Variants in NRG2 observed in about 807,000 individuals in gnomAD.
The protein encoded by NRG2 is neuregulin 2.
A neutral mutation model predicts 73.9 loss-of-function variants in NRG2; 27 were observed. That is an observed-to-expected ratio of 0.37 (90% confidence interval 0.27 to 0.50). NRG2 has a LOEUF of 0.50. Among genes scored for constraint, NRG2 ranks in the 20% least tolerant of loss-of-function variants. The pLI, the probability that NRG2 is intolerant of heterozygous loss-of-function variation, is 0.96. For synonymous variants in NRG2, 532 were observed against 541.0 expected, an observed-to-expected ratio of 0.98 and a Z score of 0.23; for missense variants, 1,126 against 1,210.1, an observed-to-expected ratio of 0.93 and a Z score of 1.03.
intron 1 of NRG2, among the ~76,000 whole-genome samples, chr5:139,913,130 G>A (rs1376420010): frequency 6.6e-6 from 1 of 152,246 alleles, no homozygotes; most frequent in Admixed American, 6.5e-5. Context: ...GGAGCTCTGA[G>A]CACCTGCGCC....
chr5:139,904,214 C>T lies in NRG2; in HGVS notation c.701-16703G>A. On this transcript the variant is annotated intron_variant, in intron 1 of 9. Transcript: ENST00000361474. The surrounding 1 kb of genome is among the most constrained non-coding windows in gnomAD (Gnocchi z 6.0). ...GTCACCGCGGCGGCCGCTAGCGCAG[C>T]CTAGACTCACCCGCGCTGCGCTGGG... The T allele has an allele frequency of 1.4e-6, 2 of 1,407,450 alleles. No homozygotes were observed. Among genetic ancestry groups the T allele is most frequent in the South Asian group, 1.4e-5 (1 of 70,556 alleles). 87.2% of individuals were successfully genotyped at this position (1,407,450 alleles called of 1,614,324 possible). A position where few individuals can be genotyped will look rare whatever the true frequency, so the allele number is the denominator to read the frequency against.
chr5:139,946,267 A>G lies in NRG2; in HGVS notation c.701-58756T>C, dbSNP rs570899080. 7.9e-5 allele frequency among the ~76,000 whole-genome samples: 12 copies of G among 152,280 alleles called. No homozygotes were observed. In the South Asian group the frequency reaches 2.5e-3, roughly 32 times the overall value. ...GCGGTATCAGAATAAGGACAGAAAC[A>G]GATCAATAGAATAAAATTGAGAATC... On this transcript the variant is annotated intron_variant, in intron 1 of 9. Transcript: ENST00000361474.
Position 139,871,971 on chromosome 5 carries a change from G to A in NRG2, c.992-130C>T, listed in dbSNP as rs565510167. On this transcript the variant is annotated intron_variant, in intron 3 of 9. Transcript: ENST00000361474. The stretch of plus-strand genomic sequence containing the variant: ...CTGCAGGAATGACTGGGGAGGGGAG[G>A]TCTGGTGGTCCCTTCTAGTCACAAA... 69 of 1,272,748 alleles carry A rather than the reference G, an allele frequency of 5.4e-5. 2 individuals are homozygous for A. The African/African-American group carries it at 6.4e-4, about 12-fold the overall frequency. 78.8% of individuals were successfully genotyped at this position (1,272,748 alleles called of 1,614,324 possible). A position where few individuals can be genotyped will look rare whatever the true frequency, so the allele number is the denominator to read the frequency against.
chr5:139,956,824 AG>A (rs1754660809), intron 1 of NRG2, among the ~76,000 whole-genome samples: 1 of 152,234 alleles, frequency 6.6e-6, no homozygotes, highest in East Asian at 1.9e-4. Flanking sequence ...GTCTGAGGCC[AG>A]GCCTCACCCC....
At chr5:140,007,979 C>T (rs1370054699) in intron 1 of NRG2, among the ~76,000 whole-genome samples, 1 of 152,202 alleles carries the variant, frequency 6.6e-6, no homozygotes, top group Non-Finnish European at 1.5e-5. Context: ...TCTCTCTATT[C>T]CTTACAGCAT....
intron 1 of NRG2, among the ~76,000 whole-genome samples, chr5:139,900,851 G>C (rs977150879): frequency 6.6e-6 from 1 of 152,288 alleles, no homozygotes. Context: ...CAGCACCAAG[G>C]GGAAGAAGGC....
rs1763925546 is a variant in NRG2 at position 139,887,260 on chromosome 5, C to T, written c.872+80G>A. On this transcript the variant is annotated intron_variant, in intron 2 of 9. Coordinates refer to ENST00000361474, the MANE Select transcript of NRG2 (RefSeq NM_004883.3). This position sits in a 1 kb window ranked among gnomAD's most constrained non-coding sequence, Gnocchi z 4.5. ...GTGAGTCTGGGGGCACAGCCCTGGC[C>T]TCTGCCCAGTTCAGGCCACTCCTTC... 1 of 1,535,338 alleles carries T rather than the reference C, an allele frequency of 6.5e-7. No homozygotes were observed. Among genetic ancestry groups the T allele is most frequent in the Non-Finnish European group, 8.9e-7 (1 of 1,121,698 alleles).
At chr5:139,858,923 A>G (rs1269290920) in intron 5 of NRG2, among the ~76,000 whole-genome samples, 1 of 152,172 alleles carries the variant, frequency 6.6e-6, no homozygotes, top group Non-Finnish European at 1.5e-5. Context: ...AGAACAGCTG[A>G]TAGAGGATAG....
intron 1 of NRG2, among the ~76,000 whole-genome samples, chr5:139,977,590 C>T (rs921221030): frequency 6.6e-6 from 1 of 152,172 alleles, no homozygotes; most frequent in African/African-American, 2.4e-5. Flanking sequence ...TTGGAAAAAA[C>T]TACTTTAAAG....
At chr5:139,945,533 T>C (rs137905579) in intron 1 of NRG2, among the ~76,000 whole-genome samples, 2 of 152,276 alleles carry the variant, frequency 1.3e-5, no homozygotes, top group East Asian at 3.9e-4. Flanking sequence ...GGCAGTACCA[T>C]GCTGTTTTGG....
At chr5:139,947,523 A>G (rs368656665) in intron 1 of NRG2, among the ~76,000 whole-genome samples, 1 of 152,224 alleles carries the variant, frequency 6.6e-6, no homozygotes, top group East Asian at 1.9e-4. Flanking sequence ...TTTATTACGA[A>G]TAATGCTTCT....
Position 139,848,252 on chromosome 5 carries a change from G to C in NRG2, c.2218C>G (p.Pro740Ala). 1.8e-6 allele frequency: 2 copies of C among 1,122,422 alleles called. No homozygotes were observed. Among genetic ancestry groups the C allele is most frequent in the Non-Finnish European group, 2.2e-6 (2 of 919,996 alleles). 69.5% of individuals were successfully genotyped at this position (1,122,422 alleles called of 1,614,324 possible). Reference protein sequence around the residue: ...RGASRRTSAGPRRWRRSRLNG... With the variant: ...RGASRRTSAGARRWRRSRLNG... The stretch of plus-strand genomic sequence containing the variant: ...AGGCGCGAGCGGCGCCAGCGCCGGG[G>C]CCCCGCCGACGTCCTGCGGGACGCA... The change falls in exon 10 of 10, where the codon CCC becomes GCC. Residue 740 changes from proline to alanine, a missense_variant. Physicochemically the swap from Pro to Ala is conservative, Grantham distance 27. Transcript: ENST00000361474.
intron 1 of NRG2, among the ~76,000 whole-genome samples, chr5:139,987,772 G>C (rs868043162): frequency 4.8e-5 from 6 of 126,164 alleles, no homozygotes; most frequent in Non-Finnish European, 1.0e-4. Context: ...TCTGCAGGTT[G>C]TTTTTTTTTT....
At chr5:140,024,256 ATT>A (rs34481367) in intron 1 of NRG2, among the ~76,000 whole-genome samples, 4 of 143,786 alleles carry the variant, frequency 2.8e-5, no homozygotes, top group African/African-American at 5.1e-5. Flanking sequence ...GAGTAAAACA[ATT>A]TTTTTTTTTT....
intron 1 of NRG2, among the ~76,000 whole-genome samples, chr5:140,002,745 C>T (rs995611311): frequency 6.6e-6 from 1 of 152,174 alleles, no homozygotes; most frequent in African/African-American, 2.4e-5. Flanking sequence ...AGTCAGACTG[C>T]TGTGTTCAGA....
rs771652191 is a variant in NRG2 at position 139,848,187 on chromosome 5, G to A, written c.2283C>T (p.Asp761=). ...LAAQRARAAR[D]SLSLSSGSGG... ...CCGAGCCGCTGCTCAGCGACAGCGA[G>A]TCCCTCGCCGCCCGTGCGCGCTGCG... is the stretch of plus-strand genomic sequence containing the variant. The change falls in exon 10 of 10, where the codon GAC becomes GAT. Residue 761 remains aspartate, a synonymous_variant. Transcript: ENST00000361474. 3.3e-5 allele frequency: 46 copies of A among 1,389,712 alleles called. No homozygotes were observed. In the South Asian group the frequency reaches 5.3e-4, roughly 16 times the overall value. 86.1% of individuals were successfully genotyped at this position (1,389,712 alleles called of 1,614,324 possible).
At chr5:139,920,508 C>G (rs910987803) in intron 1 of NRG2, among the ~76,000 whole-genome samples, 1 of 149,552 alleles carries the variant, frequency 6.7e-6, no homozygotes, top group Non-Finnish European at 1.5e-5. Context: ...AAATAATAAA[C>G]CTTGTTTATT....
intron 1 of NRG2, among the ~76,000 whole-genome samples, chr5:139,997,444 TGGC>T (rs1758106460): frequency 6.6e-6 from 1 of 152,260 alleles, no homozygotes; most frequent in Non-Finnish European, 1.5e-5. Flanking sequence ...CTGCCAGTGC[TGGC>T]TCTAAGGGGT....
In NRG2 at chr5:139,848,042, G is replaced by C. The variant is rs1272288939; in HGVS notation, c.2428C>G (p.Pro810Ala). ...GAHDALRSDS[P>A]PLCPAADSRT... ...CTGTCGGCCGCCGGGCACAGTGGCG[G>C]CGAGTCCGAGCGCAGCGCGTCGTGC... Residue 810 changes from proline to alanine, a missense_variant, in exon 10 of 10, where the codon CCG becomes GCG. Pro to Ala is a conservative substitution (Grantham distance 27, BLOSUM62 -1). Transcript: ENST00000361474. 6.6e-7 allele frequency: 1 copy of C among 1,507,462 alleles called. No individual in the cohort carries two copies. 93.4% of individuals were successfully genotyped at this position (1,507,462 alleles called of 1,614,324 possible). A position where few individuals can be genotyped will look rare whatever the true frequency, so the allele number is the denominator to read the frequency against.
Sources: allele counts gnomAD v4.1 joint callset (sites outside exome capture counted in the v4.1 genomes callset), GRCh38; gene constraint gnomAD v4.1.1; non-coding constraint Gnocchi (gnomAD v3.1); transcripts MANE v1.5; gene names NCBI Gene and HGNC (gene_info 2026-07-23, HGNC 2026-07-21).